Variants in PRMT8 observed in about 807,000 individuals in gnomAD.
The protein encoded by PRMT8 is protein arginine N-methyltransferase 8.
In PRMT8, 7 loss-of-function variants were observed where a neutral mutation model predicts 47.1. The ratio of observed to expected loss-of-function variants is 0.15; its 90% CI spans 0.08 to 0.28. PRMT8 has a LOEUF of 0.28. Ranked by LOEUF, PRMT8 falls within the 10% of genes least tolerant of loss-of-function variation. The probability of loss-of-function intolerance (pLI) is 1.00; values close to 1 mark genes in which losing one functional copy is unlikely to be tolerated. For synonymous variants in PRMT8, 188 were observed against 186.5 expected, an observed-to-expected ratio of 1.01 and a Z score of -0.07; for missense variants, 237 against 505.4, an observed-to-expected ratio of 0.47 and a Z score of 5.09.
At chr12:3,483,522 C>T (rs1458285590) in intron 1 of PRMT8, among the ~76,000 whole-genome samples, 1 of 151,936 alleles carries the variant, frequency 6.6e-6, no homozygotes, top group African/African-American at 2.4e-5. Context: ...TTGAGAGGTA[C>T]GCTGGGATAA....
chr12:3,485,055 T>C (rs1373491808), intron 1 of PRMT8, among the ~76,000 whole-genome samples: 1 of 152,188 alleles, frequency 6.6e-6, no homozygotes, highest in African/African-American at 2.4e-5. Flanking sequence ...TCCTTTGTGG[T>C]AGTTCTACCT....
intron 1 of PRMT8, among the ~76,000 whole-genome samples, chr12:3,482,786 T>G (rs1017176394): frequency 6.6e-6 from 1 of 152,176 alleles, no homozygotes; most frequent in African/African-American, 2.4e-5. Flanking sequence ...ATCACTCCCA[T>G]TTACTGAGGT....
intron 4 of PRMT8, among the ~76,000 whole-genome samples, chr12:3,559,002 CCTGT>C (rs1178967164): frequency 8.2e-6 from 1 of 121,422 alleles, no homozygotes; most frequent in East Asian, 2.5e-4. Context: ...GTCTATCTAT[CCTGT>C]CTATCTAATC....
chr12:3,568,021 G>A (rs1214611702), intron 4 of PRMT8, among the ~76,000 whole-genome samples: 1 of 149,460 alleles, frequency 6.7e-6, no homozygotes, highest in Admixed American at 6.7e-5. Context: ...GTGGTGAGCA[G>A]AGATCACGCC....
chr12:3,580,662 C>T lies in PRMT8; in HGVS notation c.829-2396C>T, dbSNP rs543563048. On this transcript the variant is annotated intron_variant, in intron 7 of 9. Coordinates refer to ENST00000382622, the MANE Select transcript of PRMT8 (RefSeq NM_019854.5). This position sits in a 1 kb window ranked among gnomAD's most constrained non-coding sequence, Gnocchi z 4.6. ...TTCAGTGTATCGGCCAGGGCAAGGGCGAAGGTGGTGAGACTGCGATATGAG... is the reference window on the plus strand; with the variant it reads ...TTCAGTGTATCGGCCAGGGCAAGGGTGAAGGTGGTGAGACTGCGATATGAG... Among the ~76,000 whole-genome samples, 14 of 152,048 alleles carry T rather than the reference C, an allele frequency of 9.2e-5. No homozygotes were observed. The highest frequency in any genetic ancestry group is 7.2e-4 in the Admixed American group (11 of 15,262).
intron 1 of PRMT8, among the ~76,000 whole-genome samples, chr12:3,432,895 G>T (rs1864697880): frequency 6.6e-6 from 1 of 152,212 alleles, no homozygotes; most frequent in Admixed American, 6.5e-5. Context: ...TGAATCAACA[G>T]GTGAAAGGGA....
intron 1 of PRMT8, among the ~76,000 whole-genome samples, chr12:3,406,501 C>A (rs1864373966): frequency 6.6e-6 from 1 of 152,164 alleles, no homozygotes; most frequent in Non-Finnish European, 1.5e-5. Context: ...TCTGCTTCCT[C>A]TTGAATGCTT....
chr12:3,431,916 G>A (rs1011505853), intron 1 of PRMT8, among the ~76,000 whole-genome samples: 1 of 152,230 alleles, frequency 6.6e-6, no homozygotes, highest in Non-Finnish European at 1.5e-5. Context: ...GCAGCAGCAA[G>A]GAGGGGTAGA....
At chr12:3,543,643 C>T (rs1353941567) in intron 2 of PRMT8, among the ~76,000 whole-genome samples, 1 of 152,166 alleles carries the variant, frequency 6.6e-6, no homozygotes, top group Non-Finnish European at 1.5e-5. Context: ...GTACAGGGGA[C>T]TATTGGGGCT....
At chr12:3,394,968 ACTT>A (rs1230152747) in intron 1 of PRMT8, among the ~76,000 whole-genome samples, 1 of 151,952 alleles carries the variant, frequency 6.6e-6, no homozygotes, top group Admixed American at 6.5e-5. Context: ...GAATTTATCC[ACTT>A]CTTCTAGATT....
Position 3,540,651 on chromosome 12 carries a change from A to G in PRMT8, c.121A>G (p.Lys41Glu). The G allele has an allele frequency of 4.3e-6, 5 of 1,160,548 alleles. No homozygotes were observed. Among genetic ancestry groups the G allele is most frequent in the Non-Finnish European group, 5.9e-6 (5 of 845,776 alleles). 71.9% of individuals were successfully genotyped at this position (1,160,548 alleles called of 1,614,324 possible). The change falls in exon 2 of 10, where the codon AAG becomes GAG. Residue 41 changes from lysine to glutamate, a missense_variant. Transcript: ENST00000382622. ...SQPPQPVVPA[K>E]PVQCVHHVST... is the part of the protein sequence containing the mutation. Reference sequence around the variant, plus strand: ...GCCCCCCCAGCCCGTCGTCCCTGCTAAGCCCGTGCAATGCGTCCATCATGT... The same window carrying G: ...GCCCCCCCAGCCCGTCGTCCCTGCTGAGCCCGTGCAATGCGTCCATCATGT...
chr12:3,457,842 C>CT (rs762181050), intron 1 of PRMT8, among the ~76,000 whole-genome samples: 3,441 of 80,796 alleles, frequency 0.043, 406 homozygotes, highest in African/African-American at 0.14. Context: ...TTCCAGTTTG[C>CT]TTTTTTTTTT....
At chr12:3,586,918 T>C (rs978625788) in intron 8 of PRMT8, among the ~76,000 whole-genome samples, 2 of 152,234 alleles carry the variant, frequency 1.3e-5, no homozygotes, top group Non-Finnish European at 2.9e-5. Context: ...GAGAATACTT[T>C]GTTGAGTTGC....
At chr12:3,458,694 C>G (rs1006579271) in intron 1 of PRMT8, among the ~76,000 whole-genome samples, 4 of 152,228 alleles carry the variant, frequency 2.6e-5, no homozygotes, top group African/African-American at 9.7e-5. Context: ...ATCAGACCCT[C>G]CTCTTCTTTG....
intron 1 of PRMT8, among the ~76,000 whole-genome samples, chr12:3,411,201 C>T (rs558100309): frequency 7.9e-5 from 12 of 152,340 alleles, no homozygotes; most frequent in Non-Finnish European, 1.5e-5. Context: ...AGCAGTTTGA[C>T]AAGGCCGCTA....
At chr12:3,440,004 T>A (rs1265760393) in intron 1 of PRMT8, among the ~76,000 whole-genome samples, 1 of 152,186 alleles carries the variant, frequency 6.6e-6, no homozygotes, top group Non-Finnish European at 1.5e-5. Context: ...GACTGTAATC[T>A]TTAATTACGG....
intron 8 of PRMT8, among the ~76,000 whole-genome samples, chr12:3,590,418 C>T (rs999227912): frequency 6.6e-6 from 1 of 152,142 alleles, no homozygotes; most frequent in African/African-American, 2.4e-5. Context: ...TGAACACCTG[C>T]CAGGGTGGAC....
chr12:3,382,217 C>T (rs542731327), intron 1 of PRMT8, among the ~76,000 whole-genome samples: 3 of 152,286 alleles, frequency 2.0e-5, no homozygotes, highest in Admixed American at 6.5e-5. Flanking sequence ...TTTGGGTGAA[C>T]ATGAGTTTTC....
intron 1 of PRMT8, among the ~76,000 whole-genome samples, chr12:3,437,839 G>A (rs528590774): frequency 5.9e-5 from 9 of 152,214 alleles, no homozygotes; most frequent in African/African-American, 1.2e-4. Context: ...TGTCACATGC[G>A]GTGATGGAAT....
Sources: gnomAD v4.1 joint callset for allele counts (sites outside exome capture counted in the v4.1 genomes callset) on GRCh38, gnomAD v4.1.1 for gene constraint, Gnocchi (gnomAD v3.1) non-coding constraint, MANE v1.5 for transcripts, NCBI Gene and HGNC (gene_info 2026-07-23, HGNC 2026-07-21) for gene names.